Variants in PITPNM2 observed in about 807,000 individuals in gnomAD.
PITPNM2 encodes phosphatidylinositol transfer protein membrane associated 2.
Under a neutral mutation model 132.2 loss-of-function variants are expected in PITPNM2, and 35 were observed. The ratio of observed to expected loss-of-function variants is 0.26; its 90% CI spans 0.20 to 0.35. The LOEUF is 0.35. Ranked by LOEUF, PITPNM2 falls within the 10% of genes least tolerant of loss-of-function variation. PITPNM2 has a pLI of 1.00. For synonymous variants in PITPNM2, 738 were observed against 799.2 expected, an observed-to-expected ratio of 0.92 and a Z score of 1.29; for missense variants, 1,332 against 1,912.0, an observed-to-expected ratio of 0.70 and a Z score of 5.66.
At position 123,009,541 on chromosome 12, in the gene PITPNM2, TGG is replaced by T. The variant is rs2039091178; in HGVS notation, c.643+307_643+308del. ...AGGGGCTACTCAGACCTGTGGAGTG[TGG>T]GCTACTCTTTATCAAATGCGAACTA... On this transcript the variant is annotated intron_variant, in intron 6 of 25. Transcript: ENST00000320201. The surrounding 1 kb of genome is among the most constrained non-coding windows in gnomAD (Gnocchi z 4.8). Among the ~76,000 whole-genome samples, 1 of 152,190 alleles carries T rather than the reference TGG, an allele frequency of 6.6e-6. No individual in the cohort carries two copies. The highest frequency in any genetic ancestry group is 2.4e-5 in the African/African-American group (1 of 41,448).
chr12:123,051,920 T>TG (rs963853247), intron 2 of PITPNM2, among the ~76,000 whole-genome samples: 4 of 151,538 alleles, frequency 2.6e-5, no homozygotes, highest in African/African-American at 4.8e-5. Context: ...TTTTTTTTTT[T>TG]TTGAGACAGT....
rs1377523519 is a variant in PITPNM2 at position 122,994,213 on chromosome 12, C to A, written c.2233+588G>T. ...ACCTGCACTTGGCAAGCATCTAAAC[C>A]TCTCTGAGCCTCAGTTTCCCCCTCT... On this transcript the variant is annotated intron_variant, in intron 15 of 25. Transcript: ENST00000320201. The surrounding 1 kb of genome is among the most constrained non-coding windows in gnomAD (Gnocchi z 5.4). Among the ~76,000 whole-genome samples, 5 of 152,242 alleles carry A rather than the reference C, an allele frequency of 3.3e-5. No homozygotes were observed.
At chr12:123,093,873 C>T (rs543066123) in intron 2 of PITPNM2, among the ~76,000 whole-genome samples, 2 of 152,362 alleles carry the variant, frequency 1.3e-5, no homozygotes, top group Non-Finnish European at 2.9e-5. Flanking sequence ...AGCCAGGAGG[C>T]CTGGGCCAGA....
Position 123,108,029 on chromosome 12 carries a change from G to A in PITPNM2, c.-96+2356C>T, listed in dbSNP as rs2042756655. Among the ~76,000 whole-genome samples the A allele has an allele frequency of 6.6e-6, 1 of 152,244 alleles. No individual in the cohort carries two copies. Among genetic ancestry groups the A allele is most frequent in the African/African-American group, 2.4e-5 (1 of 41,460 alleles). On this transcript the variant is annotated intron_variant, in intron 2 of 25. Coordinates refer to ENST00000320201, the MANE Select transcript of PITPNM2 (RefSeq NM_020845.3). The surrounding 1 kb of genome is among the most constrained non-coding windows in gnomAD (Gnocchi z 4.4). ...GAGCTGTTTGAAATGGGCTTGGAAG[G>A]TGAAACAGGAACCTGACAGGTAGAG...
intron 2 of PITPNM2, among the ~76,000 whole-genome samples, chr12:123,059,080 G>C (rs1047760887): frequency 6.6e-6 from 1 of 152,242 alleles, no homozygotes; most frequent in African/African-American, 2.4e-5. Flanking sequence ...GCACAGCTGT[G>C]GGGGCAGAGG....
Position 123,150,943 on chromosome 12 carries a change from G to A in PITPNM2, c.-390C>T, listed in dbSNP as rs2043730197. Among the ~76,000 whole-genome samples, 1 of 145,870 alleles carries A rather than the reference G, an allele frequency of 6.9e-6. No homozygotes were observed. Reference sequence around the variant, plus strand: ...CGGGCATTGCTCCCGAGCGTCGCAGGCGGGCGGCGGCGGCGCACGTGCTGG... The same window carrying A: ...CGGGCATTGCTCCCGAGCGTCGCAGACGGGCGGCGGCGGCGCACGTGCTGG... On this transcript the variant is annotated 5_prime_UTR_variant, in exon 1 of 26. Transcript: ENST00000320201. The surrounding 1 kb of genome is among the most constrained non-coding windows in gnomAD (Gnocchi z 6.0).
chr12:123,070,009 C>T (rs2041575851), intron 2 of PITPNM2, among the ~76,000 whole-genome samples: 1 of 152,288 alleles, frequency 6.6e-6, no homozygotes, highest in Non-Finnish European at 1.5e-5. Context: ...CAAGCAGGGG[C>T]TCACTGAGTG....
chr12:123,001,273 G>T lies in PITPNM2; in HGVS notation c.1049-115C>A, dbSNP rs2038664608. Reference sequence around the variant, plus strand: ...GCTCTGACCGTTCCTCAACAGGACGGCCACACAGCCCCACACCTTGGGCAT... The same window carrying T: ...GCTCTGACCGTTCCTCAACAGGACGTCCACACAGCCCCACACCTTGGGCAT... On this transcript the variant is annotated intron_variant, in intron 8 of 25. Coordinates refer to ENST00000320201, the MANE Select transcript of PITPNM2 (RefSeq NM_020845.3). 3 of 739,108 alleles carry T rather than the reference G, an allele frequency of 4.1e-6. No individual in the cohort carries two copies. The East Asian group carries it at 7.5e-5, about 19-fold the overall frequency. The allele number at this position is 739,108 out of a possible 1,614,324, so 45.8% of individuals were successfully genotyped here.
At chr12:123,089,822 C>T (rs1252758047) in intron 2 of PITPNM2, 1 of 152,128 alleles carries the variant, frequency 6.6e-6, no homozygotes, top group Non-Finnish European at 1.5e-5. Context: ...TGTGACAAAC[C>T]ACCATCCTCT....
chr12:123,013,749 CT>C (rs1324904955), intron 4 of PITPNM2, 78 bp downstream of exon 4: 41 of 1,470,960 alleles, frequency 2.8e-5, no homozygotes, highest in Non-Finnish European at 3.6e-5. Flanking sequence ...ATCCCATCCC[CT>C]GGATCTATGC....
At chr12:123,149,036 G>A (rs2043675459) in intron 1 of PITPNM2, among the ~76,000 whole-genome samples, 1 of 152,140 alleles carries the variant, frequency 6.6e-6, no homozygotes, top group Non-Finnish European at 1.5e-5. Context: ...AAGGTAGACA[G>A]GACCCAGATC....
chr12:123,127,961 T>C (rs986463790), intron 1 of PITPNM2, among the ~76,000 whole-genome samples: 1 of 151,862 alleles, frequency 6.6e-6, no homozygotes, highest in Non-Finnish European at 1.5e-5. Context: ...TAAAGAACAG[T>C]ACTAAAGAGA....
Position 123,031,590 on chromosome 12 carries a change from G to C in PITPNM2, c.78+2923C>G, listed in dbSNP as rs2040090450. ...CAGAGGACACAGGTGCAGGGCACTA[G>C]CACCTGTGATGTGCAGCAGACCCCC... On this transcript the variant is annotated intron_variant, in intron 3 of 25. Coordinates refer to ENST00000320201, the MANE Select transcript of PITPNM2 (RefSeq NM_020845.3). The surrounding 1 kb of genome is among the most constrained non-coding windows in gnomAD (Gnocchi z 4.5). 6.6e-6 allele frequency among the ~76,000 whole-genome samples: 1 copy of C among 152,108 alleles called. No individual in the cohort carries two copies. Among genetic ancestry groups the C allele is most frequent in the Non-Finnish European group, 1.5e-5 (1 of 68,028 alleles).
chr12:123,062,002 C>T (rs1247507666), intron 2 of PITPNM2, among the ~76,000 whole-genome samples: 1 of 151,920 alleles, frequency 6.6e-6, no homozygotes, highest in African/African-American at 2.4e-5. Context: ...GCGGTAAGTT[C>T]CTAGGGAGGC....
At position 123,111,764 on chromosome 12, in the gene PITPNM2, C is replaced by T. The variant is rs1315977670; in HGVS notation, c.-199-1276G>A. 1.3e-5 allele frequency among the ~76,000 whole-genome samples: 2 copies of T among 152,232 alleles called. No individual in the cohort carries two copies. The highest frequency in any genetic ancestry group is 2.9e-5 in the Non-Finnish European group (2 of 68,042). ...CCACATACACACTCAACCCCCGGAACAGATGAAACAGCCCAGGCACCCACA... is the reference window on the plus strand; with the variant it reads ...CCACATACACACTCAACCCCCGGAATAGATGAAACAGCCCAGGCACCCACA... On this transcript the variant is annotated intron_variant, in intron 1 of 25. Transcript: ENST00000320201. This position sits in a 1 kb window ranked among gnomAD's most constrained non-coding sequence, Gnocchi z 4.1.
Position 122,987,563 on chromosome 12 carries a change from G to C in PITPNM2, c.3211C>G (p.Pro1071Ala). The change falls in exon 22 of 26, where the codon CCT becomes GCT. Residue 1071 changes from proline (P) to alanine (A), a missense_variant. By Grantham distance (27) the Pro-to-Ala change is conservative. This residue lies in a region of PITPNM2 where 251 missense variants were observed against 472.0 expected (regional missense o/e 0.53). Transcript: ENST00000320201. ...CCCACGCCCAGGCGGTGCGACTCAG[G>C]GATGGTGTAGGAGACACGCCCACTG... is the stretch of plus-strand genomic sequence containing the variant. ...NNSGRVSYTI[P>A]ESHRLGVGVY... The C allele has an allele frequency of 6.2e-7, 1 of 1,613,938 alleles. No individual in the cohort carries two copies. Among genetic ancestry groups the C allele is most frequent in the Non-Finnish European group, 8.5e-7 (1 of 1,179,996 alleles).
Position 122,994,946 on chromosome 12 carries a change from GC to G in PITPNM2, c.2087del (p.Cys696SerfsTer40). 6.2e-7 allele frequency: 1 copy of G among 1,610,744 alleles called. No individual in the cohort carries two copies. The highest frequency in any genetic ancestry group is 8.5e-7 in the Non-Finnish European group (1 of 1,179,562). On this transcript the variant is annotated frameshift_variant, in exon 15 of 26. Transcript: ENST00000320201. LOFTEE classifies it high-confidence loss of function. This position sits in a 1 kb window ranked among gnomAD's most constrained non-coding sequence, Gnocchi z 5.4. ...LHASVLRTEP[C>X]SRHSSSSTML... ...TGGTGGAGCTGCTGGAATGGCGTGA[GC>G]AGGGCTCAGTCCTCAGCACGCTGGC...
At position 122,997,586 on chromosome 12, in the gene PITPNM2, G is replaced by A. The variant is rs1192858704; in HGVS notation, c.1225-14C>T. On this transcript the variant is annotated splice_polypyrimidine_tract_variant and intron_variant, in intron 10 of 25. Coordinates refer to ENST00000320201, the MANE Select transcript of PITPNM2 (RefSeq NM_020845.3). ...GCTAACCTCGTCCTGCATGGGTTGGGGGACAGTGTCAGCTCCCCAGGGAAC... is the reference window on the plus strand; with the variant it reads ...GCTAACCTCGTCCTGCATGGGTTGGAGGACAGTGTCAGCTCCCCAGGGAAC... The A allele has an allele frequency of 2.5e-6, 4 of 1,602,714 alleles. No homozygotes were observed. In the Admixed American group the frequency reaches 5.0e-5, roughly 20 times the overall value.
rs1462716503 is a variant in PITPNM2 at position 123,006,509 on chromosome 12, TG to T, written c.644-962del. ...TGAGGCCAGGAGCTTCAGACCAGCCTGGGCAACACAGGGAGATCCCCCATCT... is the reference window on the plus strand; with the variant it reads ...TGAGGCCAGGAGCTTCAGACCAGCCTGGCAACACAGGGAGATCCCCCATCT... On this transcript the variant is annotated intron_variant, in intron 6 of 25. Transcript: ENST00000320201. Among the ~76,000 whole-genome samples, 5 of 150,056 alleles carry T rather than the reference TG, an allele frequency of 3.3e-5. No homozygotes were observed. The East Asian group carries it at 7.8e-4, about 23-fold the overall frequency.
Sources: allele counts gnomAD v4.1 joint callset (sites outside exome capture counted in the v4.1 genomes callset), GRCh38; gene constraint gnomAD v4.1.1; regional missense constraint gnomAD v4.1.1; non-coding constraint Gnocchi (gnomAD v3.1); transcripts MANE v1.5; gene names NCBI Gene and HGNC (gene_info 2026-07-23, HGNC 2026-07-21).